KCNS2: variants seen among roughly 807,000 people sequenced by gnomAD.
The protein encoded by KCNS2 is delayed-rectifier potassium channel regulatory subunit KCNS2.
KCNS2 carries 15 observed loss-of-function variants against 28.3 expected under a neutral mutation model. The ratio of observed to expected loss-of-function variants is 0.53; its 90% CI spans 0.35 to 0.82. The LOEUF is 0.82. KCNS2 is among the 40% of genes least tolerant of loss of function. The probability of loss-of-function intolerance (pLI) is 0.01; values close to 1 mark genes in which losing one functional copy is unlikely to be tolerated. For synonymous variants in KCNS2, 254 were observed against 256.7 expected (o/e 0.99, Z 0.10); for missense variants, 501 against 617.1 (o/e 0.81, Z 1.99).
At chr8:98,427,882 G>A in intron 1 of KCNS2, 56 bp from the exon 2 acceptor site, 2 of 1,056,776 alleles carry the variant, frequency 1.9e-6, no homozygotes, top group Non-Finnish European at 2.7e-6. Context: ...GGTAGGGAGA[G>A]GGGGCCCCGC....
rs761932638 is a variant in KCNS2 at position 98,429,054 on chromosome 8, G to A, written c.1075G>A (p.Ala359Thr). Reference sequence around the variant, plus strand: ...TGAAAAGGAGGAGAACGAGGGCCTGGCCACCATCCCTGCCTGCTGGTGGTG... The same window carrying A: ...TGAAAAGGAGGAGAACGAGGGCCTGACCACCATCCCTGCCTGCTGGTGGTG... ...TIEKEENEGL[A>T]TIPACWWWAT... Residue 359 changes from alanine to threonine, a missense_variant, in exon 2 of 2, where the codon GCC (alanine) becomes ACC (threonine). Transcript: ENST00000287042. 1.9e-6 allele frequency: 3 copies of A among 1,612,992 alleles called. No homozygotes were observed. The highest frequency in any genetic ancestry group is 1.1e-5 in the South Asian group (1 of 91,002).
Position 98,427,949 on chromosome 8 carries a change from CCG to C in KCNS2, c.-26_-25del. 6.8e-7 allele frequency: 1 copy of C among 1,467,622 alleles called. No individual in the cohort carries two copies. The allele number at this position is 1,467,622 out of a possible 1,614,324, so 90.9% of individuals were successfully genotyped here. A position where few individuals can be genotyped will look rare whatever the true frequency, so the allele number is the denominator to read the frequency against. ...CCCTCCGCTTCCAGGTGTAGCGCCC[CCG>C]CGCGGCGCGGGCGGCCGGCGCCTCC... On this transcript the variant is annotated 5_prime_UTR_variant, in exon 2 of 2. Coordinates refer to ENST00000287042, the MANE Select transcript of KCNS2 (RefSeq NM_020697.4).
chr8:98,428,882 G>C lies in KCNS2; in HGVS notation c.903G>C (p.Arg301=). The change falls in exon 2 of 2, where the codon CGG becomes CGC. Residue 301 remains arginine (R), a synonymous_variant. Coordinates refer to ENST00000287042, the MANE Select transcript of KCNS2 (RefSeq NM_020697.4). This position sits in a 1 kb window ranked among gnomAD's most constrained non-coding sequence, Gnocchi z 6.7. ...TGGCCCAGGTCCTGAGGCTGATGCGGATCTTCCGCATCTTAAAGCTGGCCA... is the reference window on the plus strand; with the variant it reads ...TGGCCCAGGTCCTGAGGCTGATGCGCATCTTCCGCATCTTAAAGCTGGCCA... ...GRVAQVLRLM[R]IFRILKLARH... 1 of 1,614,210 alleles carries C rather than the reference G, an allele frequency of 6.2e-7. No individual in the cohort carries two copies. The highest frequency in any genetic ancestry group is 8.5e-7 in the Non-Finnish European group (1 of 1,180,044).
chr8:98,429,970 CA>C lies in KCNS2; in HGVS notation c.*559del, dbSNP rs1364634582. 2 of 167,402 alleles carry C rather than the reference CA, an allele frequency of 1.2e-5. No individual in the cohort carries two copies. The highest frequency in any genetic ancestry group is 2.9e-5 in the Non-Finnish European group (2 of 68,404). The allele number at this position is 167,402 out of a possible 1,614,324, so 10.4% of individuals were successfully genotyped here. A position where few individuals can be genotyped will look rare whatever the true frequency, so the allele number is the denominator to read the frequency against. On this transcript the variant is annotated 3_prime_UTR_variant, in exon 2 of 2. Transcript: ENST00000287042. ...GAATGCAAAGTTAAGCAGACTTGACCAATGCAAGTCTCTAAGTTGTTTTTAT... is the reference window on the plus strand; with the variant it reads ...GAATGCAAAGTTAAGCAGACTTGACCATGCAAGTCTCTAAGTTGTTTTTAT...
At chr8:98,427,764 A>T in intron 1 of KCNS2, 174 bp from the exon 2 acceptor site, 1 of 524,274 alleles carries the variant, frequency 1.9e-6, no homozygotes. Context: ...ATAGAAACAT[A>T]CCCACCCCCA....
In KCNS2 at chr8:98,430,287, G is replaced by A. The variant is rs1818309419; in HGVS notation, c.*874G>A. The A allele has an allele frequency of 6.0e-6, 1 of 167,032 alleles. No homozygotes were observed. The highest frequency in any genetic ancestry group is 2.1e-4 in the South Asian group (1 of 4,828). 10.3% of individuals were successfully genotyped at this position (167,032 alleles called of 1,614,324 possible). On this transcript the variant is annotated 3_prime_UTR_variant, in exon 2 of 2. Coordinates refer to ENST00000287042, the MANE Select transcript of KCNS2 (RefSeq NM_020697.4). Reference sequence around the variant, plus strand: ...GTAGAGAAATGTATTTCCGGATGAGGTTTCTGATCTAGGCCATTTGACCAA... The same window carrying A: ...GTAGAGAAATGTATTTCCGGATGAGATTTCTGATCTAGGCCATTTGACCAA...
Position 98,427,985 on chromosome 8 carries a change from C to A in KCNS2, c.6C>A (p.Thr2=), listed in dbSNP as rs763172699. ...GGGCGGCCGGCGCCTCCAGCATGAC[C>A]GGCCAGAGCCTGTGGGACGTGTCGG... M[T]GQSLWDVSEA... is the part of the protein sequence containing the mutation. Residue 2 remains threonine (T), a synonymous_variant, in exon 2 of 2, where the codon ACC becomes ACA. Transcript: ENST00000287042. 1.3e-6 allele frequency: 2 copies of A among 1,535,752 alleles called. No homozygotes were observed. The highest frequency in any genetic ancestry group is 4.0e-5 in the Admixed American group (2 of 49,548).
At position 98,428,231 on chromosome 8, in the gene KCNS2, C is replaced by G. The variant is rs1271020015; in HGVS notation, c.252C>G (p.Phe84Leu). The G allele has an allele frequency of 1.9e-6, 3 of 1,614,168 alleles. No individual in the cohort carries two copies. The highest frequency in any genetic ancestry group is 2.5e-6 in the Non-Finnish European group (3 of 1,180,018). The change falls in exon 2 of 2, where the codon TTC (phenylalanine) becomes TTG (leucine). Residue 84 changes from phenylalanine (F) to leucine (L), a missense_variant. By Grantham distance (22) the Phe-to-Leu change is conservative (BLOSUM62 0). Transcript: ENST00000287042. This position sits in a 1 kb window ranked among gnomAD's most constrained non-coding sequence, Gnocchi z 6.7. The stretch of plus-strand genomic sequence containing the variant: ...AGCTCTTCCCCTACGTGCTGCATTT[C>G]TATCACACCGGCAAGCTTCACGTCA... ...NPELFPYVLH[F>L]YHTGKLHVMA...
Position 98,430,747 on chromosome 8 carries a change from G to C in KCNS2, c.*1334G>C, listed in dbSNP as rs116037356. On this transcript the variant is annotated 3_prime_UTR_variant, in exon 2 of 2. Transcript: ENST00000287042. ...CTTTCATGGGGGGTGACTGGGTAGA[G>C]GCCAGGAGAAAGGAAAGAGTTGTAA... The C allele has an allele frequency of 6.0e-6, 1 of 167,042 alleles. No individual in the cohort carries two copies. Among genetic ancestry groups the C allele is most frequent in the Non-Finnish European group, 1.5e-5 (1 of 68,130 alleles). 10.3% of individuals were successfully genotyped at this position (167,042 alleles called of 1,614,324 possible). A position where few individuals can be genotyped will look rare whatever the true frequency, so the allele number is the denominator to read the frequency against.
At position 98,429,621 on chromosome 8, in the gene KCNS2, C is replaced by A; in HGVS notation, c.*208C>A. On this transcript the variant is annotated 3_prime_UTR_variant, in exon 2 of 2. Transcript: ENST00000287042. The stretch of plus-strand genomic sequence containing the variant: ...CTGACACCATGCCTTTGCACCTTTC[C>A]ATGAAATGACACTCACTGGTCTTTG... 1.9e-6 allele frequency: 1 copy of A among 537,330 alleles called. No homozygotes were observed. Among genetic ancestry groups the A allele is most frequent in the Non-Finnish European group, 3.4e-6 (1 of 298,114 alleles). 33.3% of individuals were successfully genotyped at this position (537,330 alleles called of 1,614,324 possible). A position where few individuals can be genotyped will look rare whatever the true frequency, so the allele number is the denominator to read the frequency against.
rs1367400500 is a variant in KCNS2, at chr8:98,429,151, C to T, written c.1172C>T (p.Ala391Val). The T allele has an allele frequency of 2.5e-6, 4 of 1,613,364 alleles. No individual in the cohort carries two copies. The Admixed American group carries it at 6.7e-5, about 27-fold the overall frequency. The part of the protein sequence containing the change: ...VPGTTAGKLT[A>V]SACILAGILV... ...GGGACCACGGCAGGAAAGCTGACTG[C>T]CTCTGCCTGCATCTTGGCAGGCATC... Residue 391 changes from alanine (A) to valine (V), a missense_variant, in exon 2 of 2, where the codon GCC becomes GTC. Physicochemically the swap from Ala to Val is moderately conservative, Grantham distance 64. Coordinates refer to ENST00000287042, the MANE Select transcript of KCNS2 (RefSeq NM_020697.4).
rs1357073006 is a variant in KCNS2, at chr8:98,431,247, A to C, written c.*1834A>C. Reference sequence around the variant, plus strand: ...ACAGTGTGGGTGATTTATTGAATGAATTCACTAGCCACTTGTGTCCTGGAG... The same window carrying C: ...ACAGTGTGGGTGATTTATTGAATGACTTCACTAGCCACTTGTGTCCTGGAG... On this transcript the variant is annotated 3_prime_UTR_variant, in exon 2 of 2. Transcript: ENST00000287042. 3 of 167,008 alleles carry C rather than the reference A, an allele frequency of 1.8e-5. No homozygotes were observed. The highest frequency in any genetic ancestry group is 4.4e-5 in the Non-Finnish European group (3 of 68,124). The allele number at this position is 167,008 out of a possible 1,614,324, so 10.3% of individuals were successfully genotyped here.
chr8:98,427,779 T>G, intron 1 of KCNS2, 159 bp from the exon 2 acceptor site: 3 of 535,430 alleles, frequency 5.6e-6, no homozygotes, highest in East Asian at 3.1e-5. Context: ...CCCCCAGCCT[T>G]TCCTGGGAGG....
chr8:98,427,894 A>T, intron 1 of KCNS2, 44 bp from the exon 2 acceptor site: 1 of 1,209,698 alleles, frequency 8.3e-7, no homozygotes, highest in African/African-American at 1.5e-5. Context: ...GGGCCCCGCC[A>T]GGGCGCACGG....
rs199989434 is a variant in KCNS2, at chr8:98,429,122, C to A, written c.1143C>A (p.Val381=). 62 of 1,613,314 alleles carry A rather than the reference C, an allele frequency of 3.8e-5. No homozygotes were observed. In the Middle Eastern group the frequency reaches 6.6e-4, roughly 17 times the overall value. The change falls in exon 2 of 2, where the codon GTC becomes GTA. Residue 381 remains valine, a synonymous_variant. Coordinates refer to ENST00000287042, the MANE Select transcript of KCNS2 (RefSeq NM_020697.4). ...SMTTVGYGDV[V]PGTTAGKLTA... ...CCACAGTGGGGTACGGGGATGTGGT[C>A]CCAGGGACCACGGCAGGAAAGCTGA...
chr8:98,429,242 G>T lies in KCNS2; in HGVS notation c.1263G>T (p.Lys421Asn), dbSNP rs748367691. 7 of 1,613,938 alleles carry T rather than the reference G, an allele frequency of 4.3e-6. No homozygotes were observed. In the East Asian group the frequency reaches 8.9e-5, roughly 21 times the overall value. ...TCTCCCACTTTTACCGGCGCCAAAA[G>T]CAACTTGAGAGTGCCATGCGCAGCT... ...NKFSHFYRRQ[K>N]QLESAMRSCD... The change falls in exon 2 of 2, where the codon AAG (lysine) becomes AAT (asparagine). Residue 421 changes from lysine (K) to asparagine (N), a missense_variant. By Grantham distance (94) the Lys-to-Asn change is moderately conservative. Transcript: ENST00000287042.
Position 98,428,609 on chromosome 8 carries a change from C to A in KCNS2, c.630C>A (p.Pro210=). The change falls in exon 2 of 2, where the codon CCC becomes CCA. Residue 210 remains proline (P), a synonymous_variant. Coordinates refer to ENST00000287042, the MANE Select transcript of KCNS2 (RefSeq NM_020697.4). The surrounding 1 kb of genome is among the most constrained non-coding windows in gnomAD (Gnocchi z 6.7). The part of the protein sequence containing the change: ...SIITMCLNSL[P]DFQIPDSQGN... ...TCACCATGTGCCTCAATAGCCTGCC[C>A]GATTTCCAAATCCCTGACAGCCAGG... The A allele has an allele frequency of 6.2e-7, 1 of 1,614,138 alleles. No individual in the cohort carries two copies. Among genetic ancestry groups the A allele is most frequent in the Non-Finnish European group, 8.5e-7 (1 of 1,180,034 alleles).
rs1174145243 is a variant in KCNS2 at position 98,432,349 on chromosome 8, C to T, written c.*2936C>T. 1.8e-5 allele frequency: 3 copies of T among 167,060 alleles called. No individual in the cohort carries two copies. The highest frequency in any genetic ancestry group is 6.5e-5 in the Admixed American group (1 of 15,286). The allele number at this position is 167,060 out of a possible 1,614,324, so 10.3% of individuals were successfully genotyped here. On this transcript the variant is annotated 3_prime_UTR_variant, in exon 2 of 2. Transcript: ENST00000287042. ...ATTTGAAGGTTATTGTTTTCAATGC[C>T]AGTGGGCCAAATATATGGGCCAGGC...
Position 98,432,542 on chromosome 8 carries a change from A to C in KCNS2, c.*3129A>C, listed in dbSNP as rs1818351522. The C allele has an allele frequency of 6.0e-6, 1 of 167,098 alleles. No individual in the cohort carries two copies. The highest frequency in any genetic ancestry group is 2.1e-4 in the South Asian group (1 of 4,830). 10.4% of individuals were successfully genotyped at this position (167,098 alleles called of 1,614,324 possible). On this transcript the variant is annotated 3_prime_UTR_variant, in exon 2 of 2. Transcript: ENST00000287042. Reference sequence around the variant, plus strand: ...AATGCCAAGCTGATTTGTAGCTCGTAAGGTAGTAATTGGTATTTAACATTT... The same window carrying C: ...AATGCCAAGCTGATTTGTAGCTCGTCAGGTAGTAATTGGTATTTAACATTT...
Sources: allele counts gnomAD v4.1 joint callset, GRCh38; gene constraint gnomAD v4.1.1; non-coding constraint Gnocchi (gnomAD v3.1); transcripts MANE v1.5; gene names NCBI Gene and HGNC (gene_info 2026-07-23, HGNC 2026-07-21).